UBN2: variants seen among roughly 807,000 people sequenced by gnomAD.
The protein encoded by UBN2 is ubinuclein 2.
A neutral mutation model predicts 120.2 loss-of-function variants in UBN2; 35 were observed. The ratio of observed to expected loss-of-function variants is 0.29; its 90% CI spans 0.22 to 0.39. The LOEUF is 0.39. Ranked by LOEUF, UBN2 falls within the 10% of genes least tolerant of loss-of-function variation. The pLI is 1.00. For missense variants in UBN2, 1,693 were observed against 1,663.2 expected (o/e 1.02, Z -0.31); for synonymous variants, 661 against 648.7 (o/e 1.02, Z -0.29).
downstream of UBN2, among the ~76,000 whole-genome samples, chr7:139,312,600 T>C (rs1798463560): frequency 6.6e-6 from 1 of 152,242 alleles, no homozygotes; most frequent in Admixed American, 6.5e-5. Flanking sequence ...GTCAGTTACT[T>C]TTGTCTGTTA....
chr7:139,253,523 A>G (rs935780557), intron 3 of UBN2, among the ~76,000 whole-genome samples: 2 of 152,214 alleles, frequency 1.3e-5, no homozygotes, highest in African/African-American at 2.4e-5. Flanking sequence ...TATCTGTTCA[A>G]TTCTTTATTG....
At chr7:139,292,654 G>T (rs1222207550) in intron 15 of UBN2, among the ~76,000 whole-genome samples, 1 of 152,158 alleles carries the variant, frequency 6.6e-6, no homozygotes, top group African/African-American at 2.4e-5. Flanking sequence ...ATAAGTTTCT[G>T]TATATGAGAA....
At chr7:139,259,439 T>C in intron 5 of UBN2, 69 bp downstream of exon 5, 6 of 1,571,306 alleles carry the variant, frequency 3.8e-6, no homozygotes, top group South Asian at 1.2e-5. Flanking sequence ...TAGAAAGATA[T>C]ACTTACCATT....
chr7:139,270,002 G>T (rs1006254926), intron 8 of UBN2, among the ~76,000 whole-genome samples: 2 of 152,078 alleles, frequency 1.3e-5, no homozygotes, highest in African/African-American at 4.8e-5. Context: ...TAGGGACAGG[G>T]TCTCACTGTG....
intron 7 of UBN2, among the ~76,000 whole-genome samples, chr7:139,267,848 G>A (rs975787423): frequency 1.3e-5 from 2 of 151,902 alleles, no homozygotes; most frequent in Admixed American, 6.6e-5. Flanking sequence ...TCTTTTCTGC[G>A]TGGCAGCCAG....
At chr7:139,288,393 A>G (rs966502953) in intron 15 of UBN2, among the ~76,000 whole-genome samples, 1 of 152,120 alleles carries the variant, frequency 6.6e-6, no homozygotes. Context: ...AAGAGGGGGA[A>G]AATAGTTCAG....
rs1013178407 is a variant in UBN2, at chr7:139,299,480, A to G, written c.*1644A>G. 3 of 152,194 alleles carry G rather than the reference A, an allele frequency of 2.0e-5. No individual in the cohort carries two copies. The highest frequency in any genetic ancestry group is 7.2e-5 in the African/African-American group (3 of 41,460). The allele number at this position is 152,194 out of a possible 1,614,324, so 9.4% of individuals were successfully genotyped here. On this transcript the variant is annotated 3_prime_UTR_variant, in exon 18 of 18. Transcript: ENST00000473989. ...TAACCACAGATCGGTTCAGATCTGT[A>G]TGCCTATATTTTGACTTCAAAGTCA...
At chr7:139,273,476 A>G in intron 10 of UBN2, 66 bp downstream of exon 10, 6 of 1,115,082 alleles carry the variant, frequency 5.4e-6, no homozygotes, top group Non-Finnish European at 7.5e-6. Flanking sequence ...TTAAAAAAAA[A>G]TCTATAATAA....
chr7:139,317,245 A>T, the UBN2 span, among the ~76,000 whole-genome samples: 1 of 152,030 alleles, frequency 6.6e-6, no homozygotes, highest in African/African-American at 2.4e-5. Context: ...TGCACGGCTC[A>T]CTGCAGCCTC....
At chr7:139,317,938 C>T in the UBN2 span, among the ~76,000 whole-genome samples, 3 of 152,228 alleles carry the variant, frequency 2.0e-5, no homozygotes, top group African/African-American at 7.2e-5. Context: ...GCTGGGATTA[C>T]AGGCATGAGC....
In UBN2 at chr7:139,283,333, A is replaced by G; in HGVS notation, c.2428A>G (p.Met810Val). ...GLREEKLASI[M>V]SKLPLATPKK... Reference sequence around the variant, plus strand: ...GAGAGAAGAAAAATTAGCAAGTATCATGAGTAAGCTGCCACTAGCTACTCC... The same window carrying G: ...GAGAGAAGAAAAATTAGCAAGTATCGTGAGTAAGCTGCCACTAGCTACTCC... The change falls in exon 15 of 18, where the codon ATG (methionine) becomes GTG (valine). Residue 810 changes from methionine (M) to valine (V), a missense_variant. Transcript: ENST00000473989. 2 of 1,614,040 alleles carry G rather than the reference A, an allele frequency of 1.2e-6. No individual in the cohort carries two copies.
intron 2 of UBN2, among the ~76,000 whole-genome samples, chr7:139,248,909 G>A (rs1796543601): frequency 6.6e-6 from 1 of 152,000 alleles, no homozygotes; most frequent in Admixed American, 6.6e-5. Flanking sequence ...CTGCAGACCT[G>A]CCAAAATGGG....
intron 3 of UBN2, among the ~76,000 whole-genome samples, chr7:139,253,258 CTG>C (rs1199746954): frequency 2.1e-5 from 2 of 93,874 alleles, no homozygotes; most frequent in East Asian, 2.7e-4. Flanking sequence ...ACTGAAGTAA[CTG>C]TGTATGAAAT....
chr7:139,315,069 G>A, the UBN2 span, among the ~76,000 whole-genome samples: 3 of 151,612 alleles, frequency 2.0e-5, no homozygotes, highest in East Asian at 2.0e-4. Context: ...TCCGCCTCCC[G>A]GGTTCACGCC....
the UBN2 span, among the ~76,000 whole-genome samples, chr7:139,320,941 A>G: frequency 6.6e-6 from 1 of 152,264 alleles, no homozygotes; most frequent in South Asian, 2.1e-4. Flanking sequence ...ATATGTAAAA[A>G]TTCTATATTA....
chr7:139,246,668 A>T (rs1796478746), intron 2 of UBN2, among the ~76,000 whole-genome samples: 2 of 152,188 alleles, frequency 1.3e-5, no homozygotes, highest in African/African-American at 4.8e-5. Flanking sequence ...GATACGGAAC[A>T]ATTGCATCAC....
Position 139,304,765 on chromosome 7 carries a change from G to A in UBN2, c.*6929G>A, listed in dbSNP as rs1192337129. ...TCTGTAAGTCACTTTTTGGATTTTT[G>A]TTGCTTTTTCCAGATAAGGCCTTAG... On this transcript the variant is annotated 3_prime_UTR_variant, in exon 18 of 18. Coordinates refer to ENST00000473989, the MANE Select transcript of UBN2 (RefSeq NM_173569.4). 1.4e-5 allele frequency: 2 copies of A among 147,774 alleles called. No individual in the cohort carries two copies. 9.2% of individuals were successfully genotyped at this position (147,774 alleles called of 1,614,324 possible). A position where few individuals can be genotyped will look rare whatever the true frequency, so the allele number is the denominator to read the frequency against.
chr7:139,316,896 AT>A, the UBN2 span, among the ~76,000 whole-genome samples: 4 of 145,984 alleles, frequency 2.7e-5, no homozygotes, highest in African/African-American at 5.1e-5. Context: ...AGATTTTTGA[AT>A]TTTTTTTTCT....
chr7:139,291,522 G>C (rs1049648479), intron 15 of UBN2, among the ~76,000 whole-genome samples: 12 of 152,096 alleles, frequency 7.9e-5, no homozygotes, highest in African/African-American at 2.9e-4. Flanking sequence ...GAGAAAATTT[G>C]TATCAACTCT....
Sources: gnomAD v4.1 joint callset for allele counts (sites outside exome capture counted in the v4.1 genomes callset) on GRCh38, gnomAD v4.1.1 for gene constraint, MANE v1.5 for transcripts, NCBI Gene and HGNC (gene_info 2026-07-23, HGNC 2026-07-21) for gene names.